SYNE1: variants seen among roughly 807,000 people sequenced by gnomAD.
The protein encoded by SYNE1 is spectrin repeat containing nuclear envelope protein 1.
Under a neutral mutation model 1,111.0 loss-of-function variants are expected in SYNE1, and 616 were observed. The ratio of observed to expected loss-of-function variants is 0.55; its 90% CI spans 0.52 to 0.59. SYNE1 has a LOEUF of 0.59. Among genes scored for constraint, SYNE1 ranks in the 20% least tolerant of loss-of-function variants. The pLI, the probability that SYNE1 is intolerant of heterozygous loss-of-function variation, is 0.00. For synonymous variants in SYNE1, 3,855 were observed against 3,825.8 expected (o/e 1.01, Z -0.28); for missense variants, 10,006 against 10,417.0 (o/e 0.96, Z 1.72).
intron 3 of SYNE1, among the ~76,000 whole-genome samples, chr6:152,604,073 A>G (rs2099604562): frequency 6.6e-6 from 1 of 151,306 alleles, no homozygotes; most frequent in Non-Finnish European, 1.5e-5. Flanking sequence ...ATATATGTAT[A>G]TATGTTCTAG....
At chr6:152,151,375 T>C (rs1347582689) in intron 135 of SYNE1, among the ~76,000 whole-genome samples, 178 bp downstream of exon 135, 2 of 152,152 alleles carry the variant, frequency 1.3e-5, no homozygotes, top group African/African-American at 4.8e-5. Context: ...ATAGTGGTTA[T>C]TTCTGGGTAG....
chr6:152,577,902 A>T (rs1250811231), intron 3 of SYNE1, among the ~76,000 whole-genome samples: 1 of 152,176 alleles, frequency 6.6e-6, no homozygotes, highest in Admixed American at 6.5e-5. Flanking sequence ...CTTAGAAAGT[A>T]ACAACCAGAA....
intron 95 of SYNE1, among the ~76,000 whole-genome samples, chr6:152,286,830 G>A (rs531693682): frequency 1.3e-5 from 2 of 152,166 alleles, no homozygotes; most frequent in East Asian, 3.8e-4. Flanking sequence ...TTTTATCATG[G>A]TCTAATAGAA....
chr6:152,507,592 A>C (rs2099064515), intron 8 of SYNE1, among the ~76,000 whole-genome samples: 1 of 152,178 alleles, frequency 6.6e-6, no homozygotes, highest in Non-Finnish European at 1.5e-5. Context: ...AACCAAAAGA[A>C]AGACACAGCA....
At chr6:152,245,441 G>C (rs934685283) in intron 105 of SYNE1, among the ~76,000 whole-genome samples, 1 of 152,170 alleles carries the variant, frequency 6.6e-6, no homozygotes, top group Non-Finnish European at 1.5e-5. Flanking sequence ...TGCCCCTGAA[G>C]GAGGACAAAA....
rs1423944801 is a variant in SYNE1 at position 152,350,567 on chromosome 6, C to T, written c.11733+51G>A. On this transcript the variant is annotated intron_variant, in intron 71 of 145. Transcript: ENST00000367255. ...CATGACAGAGAGAAAGGAGTCAGGG[C>T]CCACATTTTGGAAAATAAACCCTTT... 2.5e-6 allele frequency: 4 copies of T among 1,612,216 alleles called. No homozygotes were observed. The Middle Eastern group carries it at 4.9e-4, about 199-fold the overall frequency.
intron 18 of SYNE1, chr6:152,464,786 A>T (rs2098754566): frequency 4.6e-6 from 1 of 218,216 alleles, no homozygotes; most frequent in Non-Finnish European, 9.2e-6. Context: ...CCAAAAAATA[A>T]ATCACTCCTA....
intron 15 of SYNE1, chr6:152,472,033 T>C (rs967475898): frequency 1.0e-5 from 6 of 592,830 alleles, no homozygotes; most frequent in African/African-American, 1.9e-5. Flanking sequence ...TATTACATAA[T>C]GTTCCTTACA....
chr6:152,124,735 A>T (rs2052752753), intron 145 of SYNE1, among the ~76,000 whole-genome samples: 1 of 152,252 alleles, frequency 6.6e-6, no homozygotes, highest in Non-Finnish European at 1.5e-5. Flanking sequence ...TAGAACATAA[A>T]AGAAGTATGT....
At chr6:152,499,875 C>T (rs9479327) in intron 10 of SYNE1, among the ~76,000 whole-genome samples, 5,152 of 152,122 alleles carry the variant, frequency 0.034, 302 homozygotes, top group African/African-American at 0.12. Flanking sequence ...AATTTATTTT[C>T]TGGATGATTA....
intron 142 of SYNE1, chr6:152,134,749 C>A (rs1008226509): frequency 7.4e-6 from 2 of 269,484 alleles, no homozygotes; most frequent in Admixed American, 5.1e-5. Context: ...TTTTAATGAC[C>A]TTTTACTACA....
rs771166232 is a variant in SYNE1 at position 152,310,441 on chromosome 6, T to C, written c.16974A>G (p.Pro5658=). 1.9e-6 allele frequency: 3 copies of C among 1,614,194 alleles called. No individual in the cohort carries two copies. Among genetic ancestry groups the C allele is most frequent in the Admixed American group, 1.7e-5 (1 of 60,018 alleles). The change falls in exon 89 of 146, where the codon CCA becomes CCG. Residue 5658 remains proline (P), a synonymous_variant. Coordinates refer to ENST00000367255, the MANE Select transcript of SYNE1 (RefSeq NM_182961.4). ...CCTTGAGACTGAGACGTCCAACTTCTGGAGAAGTCAGTGTTGCCTGGGCTT... is the reference window on the plus strand; with the variant it reads ...CCTTGAGACTGAGACGTCCAACTTCCGGAGAAGTCAGTGTTGCCTGGGCTT... The part of the protein sequence containing the change: ...LEQAQATLTS[P]EVGRLSLKEQ...
At chr6:152,190,683 C>T (rs898564479) in intron 127 of SYNE1, among the ~76,000 whole-genome samples, 3 of 152,090 alleles carry the variant, frequency 2.0e-5, no homozygotes, top group South Asian at 2.1e-4. Flanking sequence ...TTTTTTGTAA[C>T]CATTAACCAT....
At chr6:152,135,367 C>T (rs2056821711) in intron 141 of SYNE1, 135 bp from the exon 142 acceptor site, 1 of 954,020 alleles carries the variant, frequency 1.0e-6, no homozygotes, top group Admixed American at 2.1e-5. Flanking sequence ...CTGAGGAAGG[C>T]ACTGGTGCTG....
intron 95 of SYNE1, among the ~76,000 whole-genome samples, chr6:152,290,505 A>G (rs2094551466): frequency 6.6e-6 from 1 of 152,164 alleles, no homozygotes; most frequent in African/African-American, 2.4e-5. Context: ...GCAGTGAGCC[A>G]AGATCACGTC....
Position 152,633,693 on chromosome 6 carries a change from T to C in SYNE1, c.-224+2945A>G, listed in dbSNP as rs55973584. Among the ~76,000 whole-genome samples, 34 of 62,774 alleles carry C rather than the reference T, an allele frequency of 5.4e-4. 3 individuals carry two copies. In the East Asian group the frequency reaches 0.01, roughly 19 times the overall value. The allele number at this position is 62,774 out of a possible 152,430, so 41.2% of individuals were successfully genotyped here. On this transcript the variant is annotated intron_variant, in intron 2 of 145. Transcript: ENST00000367255. ...TTGGGATGCTCCCAGTTGAAAGGCA[T>C]ACTCTTCTTAGGAATTTGGACTACC...
At chr6:152,462,915 C>T in intron 19 of SYNE1, 25 bp from the exon 20 acceptor site, 2 of 1,613,538 alleles carry the variant, frequency 1.2e-6, no homozygotes, top group Non-Finnish European at 1.7e-6. Flanking sequence ...GAGGAGGGAA[C>T]ATCGTGAAAG....
At chr6:152,379,043 T>C (rs1205724438) in intron 56 of SYNE1, among the ~76,000 whole-genome samples, 1 of 152,186 alleles carries the variant, frequency 6.6e-6, no homozygotes, top group Non-Finnish European at 1.5e-5. Context: ...AACCTTTTAC[T>C]TAAGACAGAA....
chr6:152,124,062 G>A (rs151203147), intron 145 of SYNE1, among the ~76,000 whole-genome samples: 2,257 of 152,308 alleles, frequency 0.015, 49 homozygotes, highest in African/African-American at 0.052. Context: ...AGTGGCTCCC[G>A]CCTGTAATCC....
Sources: gnomAD v4.1 joint callset for allele counts (sites outside exome capture counted in the v4.1 genomes callset) on GRCh38, gnomAD v4.1.1 for gene constraint, MANE v1.5 for transcripts, NCBI Gene and HGNC (gene_info 2026-07-23, HGNC 2026-07-21) for gene names.